The following SCLT1 variants were observed in gnomAD, a reference collection of about 807,000 sequenced individuals.
The protein encoded by SCLT1 is sodium channel and clathrin linker 1, also known as sodium channel-associated protein 1.
A neutral mutation model predicts 112.8 loss-of-function variants in SCLT1; 78 were observed. The observed-to-expected ratio is 0.69, with a 90% CI of 0.58 to 0.83. The LOEUF (loss-of-function observed/expected upper bound fraction) is 0.83, where lower values mean the gene tolerates loss of function less well. SCLT1 is among the 40% of genes least tolerant of loss of function. SCLT1 has a pLI of 0.00. For missense variants in SCLT1, 747 were observed against 770.4 expected, an observed-to-expected ratio of 0.97 and a Z score of 0.36; for synonymous variants, 257 against 254.7, an observed-to-expected ratio of 1.01 and a Z score of -0.09.
At chr4:128,879,713 G>C (rs149784783), downstream of SCLT1, among the ~76,000 whole-genome samples, 89 of 152,268 alleles carry the variant, frequency 5.8e-4, no homozygotes, top group East Asian at 0.016. Flanking sequence ...ACATAAGCAT[G>C]TTACCATAAT....
At chr4:129,082,488 T>A (rs1752031121) in intron 1 of SCLT1, 115 bp from the exon 2 acceptor site, 1 of 494,348 alleles carries the variant, frequency 2.0e-6, no homozygotes, top group Non-Finnish European at 3.5e-6. Context: ...CTTCACTGCT[T>A]CTCAAAATAA....
intron 5 of SCLT1, among the ~76,000 whole-genome samples, chr4:129,029,011 A>G (rs111543352): frequency 0.014 from 2,134 of 152,300 alleles, 51 homozygotes; most frequent in African/African-American, 0.046. Context: ...GGCAATCATT[A>G]AAAAGTCAGG....
Position 129,086,428 on chromosome 4 carries a change from T to C in SCLT1, c.35-4055A>G, listed in dbSNP as rs2125782370. Among the ~76,000 whole-genome samples, 2 of 152,312 alleles carry C rather than the reference T, an allele frequency of 1.3e-5. 1 individual carries two copies. The highest frequency in any genetic ancestry group is 4.1e-4 in the South Asian group (2 of 4,826). On this transcript the variant is annotated intron_variant, in intron 1 of 20. Transcript: ENST00000281142. The stretch of plus-strand genomic sequence containing the variant: ...CATAAGTGAAACAGGTTTACAGTTT[T>C]CCTTTCTTGCAAGTATGCTTTTTGT...
At chr4:128,959,833 G>T in intron 11 of SCLT1, 56 bp from the exon 12 acceptor site, 3 of 1,326,782 alleles carry the variant, frequency 2.3e-6, no homozygotes, top group Non-Finnish European at 1.1e-6. Flanking sequence ...GAAGGAGGGA[G>T]ATTTACTGAG....
intron 2 of SCLT1, among the ~76,000 whole-genome samples, chr4:129,058,798 T>A (rs1267922566): frequency 6.6e-6 from 1 of 152,124 alleles, no homozygotes; most frequent in Non-Finnish European, 1.5e-5. Context: ...GAGAGTGGGG[T>A]GTTAATGTCA....
At chr4:129,018,887 C>T (rs1745213702) in intron 5 of SCLT1, among the ~76,000 whole-genome samples, 1 of 152,012 alleles carries the variant, frequency 6.6e-6, no homozygotes, top group Non-Finnish European at 1.5e-5. Flanking sequence ...ACAGGTTGCC[C>T]AACCTTAGTG....
intron 5 of SCLT1, chr4:129,037,438 A>G (rs1200428215): frequency 1.3e-5 from 2 of 152,208 alleles, no homozygotes; most frequent in Non-Finnish European, 2.9e-5. Flanking sequence ...TTTTCTGTTG[A>G]TATGGTGGCT....
At chr4:128,970,669 G>A in intron 9 of SCLT1, 1 of 519,148 alleles carries the variant, frequency 1.9e-6, no homozygotes, top group Non-Finnish European at 3.4e-6. Context: ...ATAGCTGAAT[G>A]GCGAAGGGTA....
chr4:128,953,004 G>C (rs1738894596), intron 13 of SCLT1, among the ~76,000 whole-genome samples, 164 bp from the exon 14 acceptor site: 1 of 152,108 alleles, frequency 6.6e-6, no homozygotes, highest in Non-Finnish European at 1.5e-5. Flanking sequence ...AATTTGCCAT[G>C]AAAGTGGAAG....
chr4:129,069,599 A>C (rs1750802355), intron 2 of SCLT1, among the ~76,000 whole-genome samples: 1 of 152,154 alleles, frequency 6.6e-6, no homozygotes, highest in Non-Finnish European at 1.5e-5. Flanking sequence ...TGTGCACATT[A>C]ATCTTGTATC....
chr4:129,080,122 T>C (rs1173366003), intron 2 of SCLT1, among the ~76,000 whole-genome samples: 1 of 152,224 alleles, frequency 6.6e-6, no homozygotes, highest in Non-Finnish European at 1.5e-5. Flanking sequence ...AGGCCTGTGA[T>C]GGTAGGGGCT....
chr4:128,972,121 C>T (rs1169107940), intron 9 of SCLT1: 5 of 151,886 alleles, frequency 3.3e-5, no homozygotes, highest in African/African-American at 9.7e-5. Context: ...AAAATCTCTG[C>T]GTCAGGCTGA....
In SCLT1 at chr4:128,885,245, G is replaced by A. The variant is rs573129913; in HGVS notation, c.2005-706C>T. ...TAGGAATTAATAACATATACACATA[G>A]TAAAAAAAGATCTAACAGTACAAAA... On this transcript the variant is annotated intron_variant, in intron 20 of 20. Coordinates refer to ENST00000281142, the MANE Select transcript of SCLT1 (RefSeq NM_144643.4). Among the ~76,000 whole-genome samples, 6 of 152,200 alleles carry A rather than the reference G, an allele frequency of 3.9e-5. No individual in the cohort carries two copies. The South Asian group carries it at 1.2e-3, about 32-fold the overall frequency.
At chr4:128,906,425 C>A (rs1734700305) in intron 18 of SCLT1, among the ~76,000 whole-genome samples, 2 of 152,100 alleles carry the variant, frequency 1.3e-5, no homozygotes, top group African/African-American at 4.8e-5. Context: ...GTCTTGATCT[C>A]CTGACCTCGT....
chr4:129,034,180 A>G (rs1019179420), intron 5 of SCLT1, among the ~76,000 whole-genome samples: 19 of 152,120 alleles, frequency 1.2e-4, no homozygotes, highest in African/African-American at 4.3e-4. Context: ...TGGCTTTATT[A>G]TTGTTTTTGT....
intron 2 of SCLT1, among the ~76,000 whole-genome samples, chr4:129,048,638 T>C (rs905926228): frequency 1.1e-4 from 17 of 152,158 alleles, no homozygotes; most frequent in Admixed American, 3.3e-4. Flanking sequence ...TGGGATCTAA[T>C]TAAACTAAAG....
At chr4:129,023,868 G>A (rs1015934894) in intron 5 of SCLT1, among the ~76,000 whole-genome samples, 3 of 152,214 alleles carry the variant, frequency 2.0e-5, no homozygotes, top group Admixed American at 6.5e-5. Flanking sequence ...CTTAGAAAAT[G>A]GCACACCAGG....
At chr4:128,983,401 A>G (rs921296427) in intron 9 of SCLT1, among the ~76,000 whole-genome samples, 16 of 152,238 alleles carry the variant, frequency 1.1e-4, no homozygotes, top group African/African-American at 3.4e-4. Flanking sequence ...GAAAAACAGT[A>G]TAAATCTCAG....
chr4:129,069,488 G>C (rs1750789892), intron 2 of SCLT1, among the ~76,000 whole-genome samples: 1 of 129,348 alleles, frequency 7.7e-6, no homozygotes, highest in South Asian at 3.2e-4. Flanking sequence ...ACTTTGTTAG[G>C]TATATTCCTA....
Sources: gnomAD v4.1 joint callset for allele counts (sites outside exome capture counted in the v4.1 genomes callset) on GRCh38, gnomAD v4.1.1 for gene constraint, MANE v1.5 for transcripts, NCBI Gene and HGNC (gene_info 2026-07-23, HGNC 2026-07-21) for gene names.